Variants in PTPRZ1 observed in about 807,000 individuals in gnomAD.
The protein encoded by PTPRZ1 is protein tyrosine phosphatase receptor type Z1, also known as receptor-type tyrosine-protein phosphatase zeta.
A neutral mutation model predicts 214.1 loss-of-function variants in PTPRZ1; 82 were observed. The ratio of observed to expected loss-of-function variants is 0.38; its 90% CI spans 0.32 to 0.46. The LOEUF (loss-of-function observed/expected upper bound fraction) is 0.46, where lower values mean the gene tolerates loss of function less well. Ranked by LOEUF, PTPRZ1 falls within the 20% of genes least tolerant of loss-of-function variation. The probability of loss-of-function intolerance (pLI) is 1.00; values close to 1 mark genes in which losing one functional copy is unlikely to be tolerated. For synonymous variants in PTPRZ1, 945 were observed against 987.9 expected (o/e 0.96, Z 0.81); for missense variants, 2,603 against 2,748.7 (o/e 0.95, Z 1.19).
rs144299207 is a variant in PTPRZ1 at position 121,884,336 on chromosome 7, A to T, written c.58+10779A>T. The stretch of plus-strand genomic sequence containing the variant: ...TCTATATACACACCTAAATAAGGAC[A>T]CATATAAATGCATATATGTAAGTGC... On this transcript the variant is annotated intron_variant, in intron 1 of 29. Coordinates refer to ENST00000393386, the MANE Select transcript of PTPRZ1 (RefSeq NM_002851.3). Among the ~76,000 whole-genome samples the T allele has an allele frequency of 8.6e-3, 1,307 of 152,294 alleles. 11 individuals carry two copies. The highest frequency in any genetic ancestry group is 0.012 in the Non-Finnish European group (832 of 68,022).
intron 3 of PTPRZ1, among the ~76,000 whole-genome samples, chr7:121,968,878 T>C (rs781531172): frequency 6.6e-6 from 1 of 152,034 alleles, no homozygotes; most frequent in Non-Finnish European, 1.5e-5. Context: ...CATTGGTGAA[T>C]TTTTTTTATA....
chr7:121,899,068 C>T (rs1407900516), intron 1 of PTPRZ1, among the ~76,000 whole-genome samples: 1 of 152,004 alleles, frequency 6.6e-6, no homozygotes, highest in African/African-American at 2.4e-5. Flanking sequence ...CTTTCTTTTC[C>T]ATCTCTCAGC....
intron 1 of PTPRZ1, among the ~76,000 whole-genome samples, chr7:121,875,323 C>T (rs1794021596): frequency 6.6e-6 from 1 of 152,134 alleles, no homozygotes; most frequent in Admixed American, 6.6e-5. Flanking sequence ...TTCTGTCTGT[C>T]TTTGTTCACT....
At chr7:121,873,776 C>T (rs746321051) in intron 1 of PTPRZ1, among the ~76,000 whole-genome samples, 4 of 152,142 alleles carry the variant, frequency 2.6e-5, no homozygotes, top group Non-Finnish European at 5.9e-5. Flanking sequence ...CCCCTTCCAT[C>T]GGCCCGCGGG....
chr7:122,052,968 C>T (rs1000788258), intron 25 of PTPRZ1, among the ~76,000 whole-genome samples: 4 of 152,144 alleles, frequency 2.6e-5, no homozygotes, highest in African/African-American at 7.2e-5. Flanking sequence ...TCAGTGACCA[C>T]CAGATGCCCA....
intron 2 of PTPRZ1, among the ~76,000 whole-genome samples, chr7:121,958,588 C>G (rs1796781237): frequency 6.6e-6 from 1 of 152,166 alleles, no homozygotes; most frequent in African/African-American, 2.4e-5. Flanking sequence ...CAGTGCCTCC[C>G]AGACCCATAT....
chr7:121,881,494 G>A (rs1794237448), intron 1 of PTPRZ1, among the ~76,000 whole-genome samples: 1 of 152,074 alleles, frequency 6.6e-6, no homozygotes, highest in African/African-American at 2.4e-5. Flanking sequence ...GCACAGCCTG[G>A]GACTGAAACC....
At chr7:121,971,610 T>A in intron 3 of PTPRZ1, among the ~76,000 whole-genome samples, 1 of 152,214 alleles carries the variant, frequency 6.6e-6, no homozygotes, top group African/African-American at 2.4e-5. Flanking sequence ...ATAAGGTTTA[T>A]ACAGTATCTA....
chr7:122,050,892 C>T (rs980191931), intron 23 of PTPRZ1, among the ~76,000 whole-genome samples: 1 of 152,118 alleles, frequency 6.6e-6, no homozygotes, highest in African/African-American at 2.4e-5. Context: ...GAAACCGTCA[C>T]ACATGTGCAC....
intron 1 of PTPRZ1, among the ~76,000 whole-genome samples, chr7:121,874,679 G>T (rs1055378912): frequency 6.6e-6 from 1 of 152,086 alleles, no homozygotes; most frequent in Non-Finnish European, 1.5e-5. Context: ...TTGCAAATAC[G>T]GTGATAATTG....
intron 8 of PTPRZ1, among the ~76,000 whole-genome samples, chr7:121,991,487 A>C (rs920462726): frequency 3.9e-5 from 6 of 152,222 alleles, no homozygotes; most frequent in Admixed American, 1.3e-4. Context: ...TTGTAGCATA[A>C]TATTTTGACC....
intron 2 of PTPRZ1, among the ~76,000 whole-genome samples, chr7:121,954,363 C>G (rs1796645108): frequency 6.6e-6 from 1 of 152,202 alleles, no homozygotes; most frequent in South Asian, 2.1e-4. Flanking sequence ...GCCTTGCATT[C>G]CATGTCTGAG....
At position 122,013,647 on chromosome 7, in the gene PTPRZ1, G is replaced by C; in HGVS notation, c.4601G>C (p.Ser1534Thr). 1.2e-6 allele frequency: 2 copies of C among 1,614,196 alleles called. No homozygotes were observed. The highest frequency in any genetic ancestry group is 1.7e-6 in the Non-Finnish European group (2 of 1,180,036). The change falls in exon 12 of 30, where the codon AGC becomes ACC. Residue 1534 changes from serine (S) to threonine (T), a missense_variant. Ser to Thr is a moderately conservative substitution (Grantham distance 58). Around this residue, in one of 6 missense-constraint regions of PTPRZ1, gnomAD observed 1,913 missense variants for 1,914.3 expected, o/e 1.00. Transcript: ENST00000393386. The stretch of plus-strand genomic sequence containing the variant: ...ACTGGTAGTGCTCTGCTTCCTCTCA[G>C]CCCTGAATCTAAAGCATGGGCAGTT... The part of the protein sequence containing the change: ...IQTGSALLPL[S>T]PESKAWAVLT...
At chr7:121,985,651 T>C (rs369829993) in intron 8 of PTPRZ1, among the ~76,000 whole-genome samples, 1 of 152,214 alleles carries the variant, frequency 6.6e-6, no homozygotes, top group Non-Finnish European at 1.5e-5. Context: ...AAGACTCAAG[T>C]TGAGCATTGC....
chr7:121,944,214 C>A (rs1796310020), intron 2 of PTPRZ1, among the ~76,000 whole-genome samples: 1 of 152,090 alleles, frequency 6.6e-6, no homozygotes, highest in Non-Finnish European at 1.5e-5. Flanking sequence ...TTATCTTTAC[C>A]TTACACTACT....
Position 122,058,813 on chromosome 7 carries a change from TTGAAG to T in PTPRZ1, c.6546_6550del (p.Val2183AlafsTer6). ...TTCTTGTTATAGGATGATTATGTACTTGAAGTGAGGCACTTTCAGTGTCCTAAATG... is the reference window on the plus strand; with the variant it reads ...TTCTTGTTATAGGATGATTATGTACTTGAGGCACTTTCAGTGTCCTAAATG... On this transcript the variant is annotated frameshift_variant, in exon 28 of 30. Transcript: ENST00000393386. LOFTEE classifies it high-confidence loss of function. The T allele has an allele frequency of 6.2e-7, 1 of 1,606,402 alleles. No individual in the cohort carries two copies. Among genetic ancestry groups the T allele is most frequent in the Non-Finnish European group, 8.5e-7 (1 of 1,173,596 alleles).
chr7:121,928,523 TG>T (rs1360025906), intron 2 of PTPRZ1, among the ~76,000 whole-genome samples: 1 of 151,804 alleles, frequency 6.6e-6, no homozygotes, highest in Non-Finnish European at 1.5e-5. Flanking sequence ...AACGGTGAAA[TG>T]GGGGGCTGTT....
At chr7:121,924,592 G>A (rs950593531) in intron 1 of PTPRZ1, among the ~76,000 whole-genome samples, 2 of 152,044 alleles carry the variant, frequency 1.3e-5, no homozygotes, top group African/African-American at 2.4e-5. Flanking sequence ...CATTGTGTAG[G>A]GATAAAACTC....
In PTPRZ1 at chr7:122,011,464, A is replaced by G. The variant is rs1798662218; in HGVS notation, c.2418A>G (p.Ser806=). ...ATPVFPSVDV[S]FESILSSYDG... is the part of the protein sequence containing the mutation. ...CTGTATTTCCCAGTGTCGATGTGTC[A>G]TTTGAATCCATCCTGTCTTCCTATG... The change falls in exon 12 of 30, where the codon TCA becomes TCG. Residue 806 remains serine (S), a synonymous_variant. Coordinates refer to ENST00000393386, the MANE Select transcript of PTPRZ1 (RefSeq NM_002851.3). 2 of 1,613,954 alleles carry G rather than the reference A, an allele frequency of 1.2e-6. No homozygotes were observed. The highest frequency in any genetic ancestry group is 1.3e-5 in the African/African-American group (1 of 74,916).
Sources: allele counts gnomAD v4.1 joint callset (sites outside exome capture counted in the v4.1 genomes callset), GRCh38; gene constraint gnomAD v4.1.1; regional missense constraint gnomAD v4.1.1; transcripts MANE v1.5; gene names NCBI Gene and HGNC (gene_info 2026-07-23, HGNC 2026-07-21).